Variants in FBP1 observed in about 807,000 individuals in gnomAD.
FBP1 encodes the protein fructose-1,6-bisphosphatase 1.
A neutral mutation model predicts 29.9 loss-of-function variants in FBP1; 22 were observed. The observed-to-expected ratio is 0.74, with a 90% CI of 0.53 to 1.05. The LOEUF is 1.05. FBP1 is among the 50% of genes least tolerant of loss of function. The probability of loss-of-function intolerance (pLI) is 0.00; values close to 1 mark genes in which losing one functional copy is unlikely to be tolerated. For synonymous variants in FBP1, 175 were observed against 178.6 expected, an observed-to-expected ratio of 0.98 and a Z score of 0.16; for missense variants, 345 against 448.2, an observed-to-expected ratio of 0.77 and a Z score of 2.08.
intron 1 of FBP1, among the ~76,000 whole-genome samples, chr9:94,624,344 A>C (rs1827992516): frequency 7.3e-6 from 1 of 136,662 alleles, no homozygotes; most frequent in Non-Finnish European, 1.6e-5. Flanking sequence ...TCTCAAAAAA[A>C]AAAAAAAAAA....
intron 1 of FBP1, among the ~76,000 whole-genome samples, chr9:94,633,928 G>T (rs971894666): frequency 2.0e-5 from 3 of 150,964 alleles, no homozygotes; most frequent in Admixed American, 6.6e-5. Context: ...GGATGGTCTC[G>T]ATCTCCTGAC....
At chr9:94,603,695 T>G (rs778557067) in intron 6 of FBP1, 123 bp from the exon 7 acceptor site, 72 of 909,098 alleles carry the variant, frequency 7.9e-5, no homozygotes, top group Non-Finnish European at 1.1e-4. Flanking sequence ...ACTGTATTTT[T>G]CCTTCCTGTG....
chr9:94,622,316 G>A (rs28369689), intron 1 of FBP1, among the ~76,000 whole-genome samples: 6,975 of 152,316 alleles, frequency 0.046, 542 homozygotes, highest in African/African-American at 0.16. Context: ...GTGGGAAGGG[G>A]AAAAGATGGG....
intron 1 of FBP1, among the ~76,000 whole-genome samples, chr9:94,626,184 A>G (rs1187313488): frequency 2.0e-5 from 3 of 152,230 alleles, no homozygotes; most frequent in Admixed American, 6.5e-5. Flanking sequence ...AAGAGAACAC[A>G]TGAAGATAGA....
chr9:94,619,359 T>C (rs1827908880), intron 2 of FBP1, among the ~76,000 whole-genome samples: 1 of 152,160 alleles, frequency 6.6e-6, no homozygotes. Flanking sequence ...ATGTTCCCAG[T>C]TCCTCTCAAA....
rs1827931285 is a variant in FBP1, at chr9:94,620,499, G to T, written c.171-8C>A. ...GAACCAGCAATGCCATAGCTACAGGGAACAAAAGCCACAAAAAATAAGCCA... is the reference window on the plus strand; with the variant it reads ...GAACCAGCAATGCCATAGCTACAGGTAACAAAAGCCACAAAAAATAAGCCA... On this transcript the variant is annotated splice_region_variant and splice_polypyrimidine_tract_variant and intron_variant, in intron 1 of 6. Transcript: ENST00000375326. 6.2e-7 allele frequency: 1 copy of T among 1,613,502 alleles called. No individual in the cohort carries two copies.
intron 1 of FBP1, among the ~76,000 whole-genome samples, chr9:94,637,473 A>G (rs980358889): frequency 1.7e-4 from 26 of 149,378 alleles, no homozygotes; most frequent in Admixed American, 3.4e-4. Context: ...ATCTCGGCTC[A>G]CTGCAACCTC....
At chr9:94,631,027 T>A (rs796546016) in intron 1 of FBP1, among the ~76,000 whole-genome samples, 2 of 152,300 alleles carry the variant, frequency 1.3e-5, no homozygotes, top group African/African-American at 4.8e-5. Context: ...AATAAGGAAC[T>A]GGCAAAAGAA....
intron 3 of FBP1, among the ~76,000 whole-genome samples, chr9:94,614,179 C>T (rs1218439790): frequency 9.5e-6 from 1 of 105,818 alleles, no homozygotes; most frequent in Non-Finnish European, 1.8e-5. Flanking sequence ...AAGGGGGGGA[C>T]GAGGAGGAGC....
intron 4 of FBP1, among the ~76,000 whole-genome samples, chr9:94,608,587 T>G (rs1293058275): frequency 3.3e-5 from 5 of 152,194 alleles, no homozygotes; most frequent in African/African-American, 1.2e-4. Flanking sequence ...AACTTTGCTC[T>G]GGTTCTGCCA....
intron 1 of FBP1, among the ~76,000 whole-genome samples, chr9:94,631,201 C>T (rs1828100560): frequency 6.6e-6 from 1 of 152,212 alleles, no homozygotes; most frequent in Non-Finnish European, 1.5e-5. Flanking sequence ...TGTCCTTTCC[C>T]TTTCCAGCCC....
At chr9:94,628,916 A>G (rs67721291) in intron 1 of FBP1, among the ~76,000 whole-genome samples, 43,481 of 152,172 alleles carry the variant, frequency 0.29, 6,943 homozygotes, top group East Asian at 0.57. Context: ...TGTTGTATCA[A>G]GTTTATAAAA....
chr9:94,629,697 G>A (rs1196748134), intron 1 of FBP1, among the ~76,000 whole-genome samples: 2 of 152,112 alleles, frequency 1.3e-5, no homozygotes, highest in Non-Finnish European at 2.9e-5. Context: ...AGAGAGGACC[G>A]GGAGAGCCCT....
chr9:94,604,878 G>A (rs1277748597), intron 6 of FBP1, among the ~76,000 whole-genome samples: 1 of 152,198 alleles, frequency 6.6e-6, no homozygotes, highest in African/African-American at 2.4e-5. Flanking sequence ...GGGCAGCTCT[G>A]AGCGAGCGTG....
At position 94,627,639 on chromosome 9, in the gene FBP1, C is replaced by T. The variant is rs557223170; in HGVS notation, c.171-7148G>A. Among the ~76,000 whole-genome samples, 169 of 152,236 alleles carry T rather than the reference C, an allele frequency of 1.1e-3. 2 individuals are homozygous for T. The highest frequency in any genetic ancestry group is 6.8e-3 in the Middle Eastern group (2 of 294). On this transcript the variant is annotated intron_variant, in intron 1 of 6. Transcript: ENST00000375326. ...CAGAAGACCATCCTGCCTTGGAAGG[C>T]GTTTCCAGGAGGCAGCTGTGAACCA... is the stretch of plus-strand genomic sequence containing the variant.
At chr9:94,620,199 T>C in intron 2 of FBP1, 130 bp downstream of exon 2, 1 of 911,144 alleles carries the variant, frequency 1.1e-6, no homozygotes, top group South Asian at 1.4e-5. Context: ...GTGGAAGCTA[T>C]GAAAAGACCA....
chr9:94,617,626 G>C, intron 3 of FBP1, 142 bp downstream of exon 3: 1 of 704,340 alleles, frequency 1.4e-6, no homozygotes, highest in Non-Finnish European at 2.6e-6. Flanking sequence ...GTGCTGAAAA[G>C]CTCAGAACTT....
chr9:94,625,516 C>T (rs1828011428), intron 1 of FBP1, among the ~76,000 whole-genome samples: 2 of 152,110 alleles, frequency 1.3e-5, no homozygotes, highest in Non-Finnish European at 2.9e-5. Context: ...AGGGCTGGGG[C>T]CGGGCACAGT....
At chr9:94,613,126 G>A (rs565569019) in intron 3 of FBP1, among the ~76,000 whole-genome samples, 35 of 152,252 alleles carry the variant, frequency 2.3e-4, no homozygotes, top group African/African-American at 5.8e-4. Context: ...GTCTTTCCTC[G>A]GAGCAGAAAC....
Sources: allele counts gnomAD v4.1 joint callset (sites outside exome capture counted in the v4.1 genomes callset), GRCh38; gene constraint gnomAD v4.1.1; transcripts MANE v1.5; gene names NCBI Gene and HGNC (gene_info 2026-07-23, HGNC 2026-07-21).